CFAP47: variants seen among roughly 807,000 people sequenced by gnomAD.
CFAP47 encodes cilia and flagella associated protein 47.
Under a neutral mutation model 148.1 loss-of-function variants are expected in CFAP47, and 29 were observed. That is an observed-to-expected ratio of 0.20 (90% CI 0.15 to 0.27). The LOEUF is 0.27. Ranked by LOEUF, CFAP47 falls within the 10% of genes least tolerant of loss-of-function variation. CFAP47 has a pLI of 1.00. For missense variants in CFAP47, 1,872 were observed against 1,697.5 expected (o/e 1.10, Z -1.81); for synonymous variants, 664 against 577.3 (o/e 1.15, Z -2.15).
At chrX:36,171,707 A>G (rs1939582022) in intron 39 of CFAP47, among the ~76,000 whole-genome samples, 1 of 111,429 alleles carries the variant, frequency 9.0e-6, no homozygotes, top group African/African-American at 3.3e-5. Flanking sequence ...GTAGCCTTGT[A>G]ATATAGTTTG....
chrX:36,260,630 ATGCG>A (rs1940805910), intron 49 of CFAP47, among the ~76,000 whole-genome samples: 1 of 111,807 alleles, frequency 8.9e-6, no homozygotes, highest in Non-Finnish European at 1.9e-5. Context: ...CCTTTGTTGA[ATGCG>A]TACTTTGCAA....
At chrX:35,979,716 T>C (rs1050590630) in intron 15 of CFAP47, among the ~76,000 whole-genome samples, 5 of 111,448 alleles carry the variant, frequency 4.5e-5, no homozygotes, top group African/African-American at 1.6e-4. Context: ...CTTATTTAAA[T>C]AGTATTTTAA....
At chrX:35,921,072 T>C (rs1200824963) in intron 1 of CFAP47, among the ~76,000 whole-genome samples, 2 of 111,424 alleles carry the variant, frequency 1.8e-5, no homozygotes, top group African/African-American at 3.3e-5. Context: ...AAAATAAATA[T>C]GTGTGTGTGT....
chrX:36,349,035 G>A (rs1224841010), intron 58 of CFAP47, among the ~76,000 whole-genome samples: 1 of 110,996 alleles, frequency 9.0e-6, no homozygotes, highest in African/African-American at 3.3e-5. Context: ...TACATAAATT[G>A]TAAGTCTCAG....
chrX:36,328,694 C>T (rs1355308517), intron 57 of CFAP47, among the ~76,000 whole-genome samples: 39 of 106,888 alleles, frequency 3.6e-4, no homozygotes, highest in Non-Finnish European at 3.7e-4. Flanking sequence ...CCTGTAGTCC[C>T]AGCTACTGGG....
chrX:36,367,513 A>T (rs187844549), intron 62 of CFAP47, among the ~76,000 whole-genome samples: 2 of 111,992 alleles, frequency 1.8e-5, no homozygotes, highest in Non-Finnish European at 3.8e-5. Flanking sequence ...TTTTGTTTCT[A>T]TCATAGCTGT....
intron 26 of CFAP47, among the ~76,000 whole-genome samples, chrX:36,057,677 A>T (rs1326446182): frequency 9.0e-6 from 1 of 111,413 alleles, no homozygotes. Context: ...ATGTTTTATA[A>T]TTTTTTTAAT....
intron 45 of CFAP47, among the ~76,000 whole-genome samples, chrX:36,217,170 T>C (rs138860007): frequency 1.8e-5 from 2 of 112,053 alleles, no homozygotes; most frequent in East Asian, 5.7e-4. Context: ...CAGTATTAAT[T>C]TTTGCAAAGG....
At chrX:35,956,538 A>G (rs1185078317) in intron 8 of CFAP47, among the ~76,000 whole-genome samples, 1 of 112,369 alleles carries the variant, frequency 8.9e-6, no homozygotes, top group Admixed American at 9.4e-5. Context: ...AGAAACTCAA[A>G]TAACAGAATG....
At chrX:35,936,844 A>G (rs1054232640) in intron 2 of CFAP47, among the ~76,000 whole-genome samples, 3 of 109,029 alleles carry the variant, frequency 2.8e-5, no homozygotes, top group African/African-American at 1.0e-4. Context: ...TTTTTTTCCC[A>G]GGCCTGGCTG....
At chrX:36,375,022 C>G (rs781808293) in intron 62 of CFAP47, 24 of 473,586 alleles carry the variant, frequency 5.1e-5, no homozygotes, top group East Asian at 2.9e-4. Flanking sequence ...GCTCTGTGAT[C>G]ATCAGTGATT....
intron 46 of CFAP47, 75 bp downstream of exon 46, chrX:36,228,899 A>G (rs1169229863): frequency 4.4e-6 from 2 of 451,079 alleles, no homozygotes; most frequent in African/African-American, 4.9e-5. Context: ...CAGACCTCTC[A>G]TCTTGGACTA....
chrX:36,243,238 A>G (rs1384720302), intron 48 of CFAP47, among the ~76,000 whole-genome samples: 1 of 111,277 alleles, frequency 9.0e-6, no homozygotes, highest in African/African-American at 3.3e-5. Context: ...ACACTTAAGC[A>G]CATAGCCCAT....
intron 27 of CFAP47, among the ~76,000 whole-genome samples, chrX:36,069,459 A>T (rs1937706156): frequency 8.9e-6 from 1 of 111,892 alleles, no homozygotes; most frequent in Non-Finnish European, 1.9e-5. Context: ...TTGTTAGATT[A>T]TTAAGCATAA....
In CFAP47 at chrX:36,035,691, G is replaced by C. The variant is rs1247661165; in HGVS notation, c.3652-4G>C. 1.4e-5 allele frequency: 4 copies of C among 293,116 alleles called. No individual in the cohort carries two copies. Among genetic ancestry groups the C allele is most frequent in the Non-Finnish European group, 2.4e-5 (4 of 168,311 alleles). The allele number at this position is 293,116 out of a possible 1,213,427, so 24.2% of individuals were successfully genotyped here. On this transcript the variant is annotated splice_polypyrimidine_tract_variant and splice_region_variant and intron_variant, in intron 23 of 63. Coordinates refer to ENST00000378653, the MANE Select transcript of CFAP47 (RefSeq NM_001304548.2). ...TTTTTTTGTCTTTTTGTGTGTGTGA[G>C]CAGAATCTTGTTTTATATAATATTA...
At chrX:36,204,517 A>T (rs989008594) in intron 44 of CFAP47, among the ~76,000 whole-genome samples, 1 of 111,181 alleles carries the variant, frequency 9.0e-6, no homozygotes. Context: ...TACATGGCAC[A>T]TGTATACATA....
intron 38 of CFAP47, among the ~76,000 whole-genome samples, chrX:36,159,959 A>G (rs188950779): frequency 8.9e-6 from 1 of 112,272 alleles, no homozygotes; most frequent in African/African-American, 3.2e-5. Flanking sequence ...TTAAATCTTT[A>G]TAAAATGGTT....
intron 39 of CFAP47, among the ~76,000 whole-genome samples, chrX:36,163,755 G>A (rs186197942): frequency 8.1e-4 from 89 of 109,947 alleles, no homozygotes; most frequent in African/African-American, 2.6e-3. Flanking sequence ...GATTACAGGC[G>A]CCTACCACCA....
At chrX:36,063,256 T>C (rs1937608965) in intron 26 of CFAP47, among the ~76,000 whole-genome samples, 1 of 111,734 alleles carries the variant, frequency 8.9e-6, no homozygotes, top group Non-Finnish European at 1.9e-5. Context: ...TTCATAAATA[T>C]TACCATTGTC....
Sources: gnomAD v4.1 joint callset for allele counts (sites outside exome capture counted in the v4.1 genomes callset) on GRCh38, gnomAD v4.1.1 for gene constraint, MANE v1.5 for transcripts, NCBI Gene and HGNC (gene_info 2026-07-23, HGNC 2026-07-21) for gene names.